The following CCDC88A variants were observed in gnomAD, a reference collection of about 807,000 sequenced individuals.
The protein encoded by CCDC88A is coiled-coil and HOOK domain protein 88A, also known as girdin.
A neutral mutation model predicts 234.3 loss-of-function variants in CCDC88A; 54 were observed. That is an observed-to-expected ratio of 0.23 (90% CI 0.19 to 0.29). The LOEUF (loss-of-function observed/expected upper bound fraction) is 0.29, where lower values mean the gene tolerates loss of function less well. Among genes scored for constraint, CCDC88A ranks in the 10% least tolerant of loss-of-function variants. CCDC88A has a pLI of 1.00. For synonymous variants in CCDC88A, 753 were observed against 737.8 expected (o/e 1.02, Z -0.33); for missense variants, 1,832 against 2,123.4 (o/e 0.86, Z 2.70).
chr2:55,374,833 A>G lies in CCDC88A; in HGVS notation c.324T>C (p.Ile108=). The G allele has an allele frequency of 6.2e-7, 1 of 1,606,452 alleles. No homozygotes were observed. The highest frequency in any genetic ancestry group is 8.5e-7 in the Non-Finnish European group (1 of 1,174,066). The change falls in exon 4 of 33, where the codon ATT becomes ATC. Residue 108 remains isoleucine (I), a synonymous_variant. Transcript: ENST00000436346. ...ACTTACCAGAAAAGGGATTTTTGCC[A>G]ATGATTAAGACATTTGGCAACGACA... ...IMMSLPNVLI[I]GKNPFSEQGT... is the part of the protein sequence containing the mutation.
At chr2:55,355,936 T>C (rs1670511821) in intron 7 of CCDC88A, 185 bp from the exon 8 acceptor site, 1 of 449,824 alleles carries the variant, frequency 2.2e-6, no homozygotes, top group Admixed American at 3.9e-5. Flanking sequence ...CATGGGCTAC[T>C]TAGCAAATGA....
chr2:55,368,458 C>CCT (rs879617904), intron 5 of CCDC88A, among the ~76,000 whole-genome samples: 1 of 150,708 alleles, frequency 6.6e-6, no homozygotes, highest in Admixed American at 6.6e-5. Flanking sequence ...TTCCCCCCTC[C>CCT]CTCTCTCTCT....
At position 55,362,574 on chromosome 2, in the gene CCDC88A, G is replaced by A. The variant is rs921344851; in HGVS notation, c.487-126C>T. On this transcript the variant is annotated intron_variant, in intron 6 of 32. Coordinates refer to ENST00000436346, the MANE Select transcript of CCDC88A (RefSeq NM_001365480.1). ...ATAAAATATGAAAAGCCAATATGAT[G>A]TTAAAAGGAGAACATTTGAAATGAT... 2.9e-5 allele frequency: 18 copies of A among 620,434 alleles called. No individual in the cohort carries two copies. In the African/African-American group the frequency reaches 3.3e-4, roughly 11 times the overall value. 38.4% of individuals were successfully genotyped at this position (620,434 alleles called of 1,614,324 possible).
At position 55,291,092 on chromosome 2, in the gene CCDC88A, C is replaced by T. The variant is rs192870686; in HGVS notation, c.*108G>A. ...CCTTAAAGATTTTTAAAAATGATTCCTATAGTTGCTAGGTGTCTTGTTACT... is the reference window on the plus strand; with the variant it reads ...CCTTAAAGATTTTTAAAAATGATTCTTATAGTTGCTAGGTGTCTTGTTACT... On this transcript the variant is annotated 3_prime_UTR_variant, in exon 33 of 33. Coordinates refer to ENST00000436346, the MANE Select transcript of CCDC88A (RefSeq NM_001365480.1). The T allele has an allele frequency of 6.6e-6, 1 of 152,602 alleles. No homozygotes were observed. Among genetic ancestry groups the T allele is most frequent in the African/African-American group, 2.4e-5 (1 of 41,526 alleles). 9.5% of individuals were successfully genotyped at this position (152,602 alleles called of 1,614,324 possible).
intron 29 of CCDC88A, 126 bp downstream of exon 29, chr2:55,299,713 C>CA: frequency 1.6e-6 from 1 of 643,934 alleles, no homozygotes; most frequent in East Asian, 2.6e-5. Context: ...TAAAATGTTC[C>CA]AAACAACTAT....
At chr2:55,391,314 C>G (rs1314767277) in intron 2 of CCDC88A, among the ~76,000 whole-genome samples, 1 of 151,958 alleles carries the variant, frequency 6.6e-6, no homozygotes. Context: ...GACAACCTGC[C>G]AAAACAAAGT....
intron 5 of CCDC88A, among the ~76,000 whole-genome samples, chr2:55,370,755 C>T (rs1036851432): frequency 1.3e-5 from 2 of 150,812 alleles, no homozygotes; most frequent in Non-Finnish European, 2.9e-5. Flanking sequence ...TGCCTGTAAT[C>T]CCAGTACTTT....
chr2:55,340,894 T>C (rs1207098300), intron 12 of CCDC88A, among the ~76,000 whole-genome samples: 3 of 152,176 alleles, frequency 2.0e-5, no homozygotes, highest in African/African-American at 4.8e-5. Context: ...TGATACACAA[T>C]AGATCTCTTA....
intron 12 of CCDC88A, chr2:55,340,233 A>G (rs1181238857): frequency 1.3e-5 from 2 of 152,382 alleles, no homozygotes; most frequent in Admixed American, 6.5e-5. Context: ...TTGCTGATAT[A>G]AGAACATTAG....
intron 6 of CCDC88A, 149 bp from the exon 7 acceptor site, chr2:55,362,597 G>A: frequency 2.6e-5 from 14 of 533,728 alleles, no homozygotes; most frequent in Middle Eastern, 4.9e-4. Context: ...CATTTGAAAT[G>A]ATAAAAACAC....
Position 55,317,586 on chromosome 2 carries a change from C to A in CCDC88A, c.3580G>T (p.Glu1194Ter). The change falls in exon 20 of 33, where the codon GAA (glutamate) becomes TAA (stop). Residue 1194 changes from glutamate to a stop codon, truncating the protein, a stop_gained. Transcript: ENST00000436346. LOFTEE classifies it high-confidence loss of function. The surrounding 1 kb of genome is among the most constrained non-coding windows in gnomAD (Gnocchi z 4.2). ...LKSAHKNLEV[E>*]HRDLEDRYNQ... is the part of the protein sequence containing the mutation. ...TACCGGTCTTCAAGGTCTCTATGTT[C>A]CACCTCAAGATTTTTGTGGGCAGAC... 6.3e-7 allele frequency: 1 copy of A among 1,581,810 alleles called. No individual in the cohort carries two copies. The highest frequency in any genetic ancestry group is 8.6e-7 in the Non-Finnish European group (1 of 1,158,316).
intron 8 of CCDC88A, among the ~76,000 whole-genome samples, chr2:55,354,574 C>A (rs1417868335): frequency 6.8e-6 from 1 of 146,534 alleles, no homozygotes; most frequent in East Asian, 2.1e-4. Flanking sequence ...TTTTTTCTTT[C>A]TTTTTTTGAG....
At chr2:55,386,459 G>GTATTTTATTTTTTGTAGATTGTATTT (rs1675662264) in intron 3 of CCDC88A, among the ~76,000 whole-genome samples, 1 of 145,704 alleles carries the variant, frequency 6.9e-6, no homozygotes, top group African/African-American at 2.6e-5. Context: ...TTTGTAGATT[G>GTATTTTATTTTTTGTAGATTGTATTT]TATTTTATTT....
Position 55,334,223 on chromosome 2 carries a change from G to C in CCDC88A, c.2598C>G (p.Asn866Lys), listed in dbSNP as rs147955315. The change falls in exon 15 of 33, where the codon AAC becomes AAG. Residue 866 changes from asparagine to lysine, a missense_variant. By Grantham distance (94) the Asn-to-Lys change is moderately conservative. Coordinates refer to ENST00000436346, the MANE Select transcript of CCDC88A (RefSeq NM_001365480.1). This position sits in a 1 kb window ranked among gnomAD's most constrained non-coding sequence, Gnocchi z 6.1. The stretch of plus-strand genomic sequence containing the variant: ...TACCAATTTCTTTGGATAGGGTTTT[G>C]TTTTCTTTTTCCAAATTTCCAATCT... ...NVKIGNLEKE[N>K]KTLSKEIGIY... 1.4e-6 allele frequency: 2 copies of C among 1,451,782 alleles called. No individual in the cohort carries two copies. The highest frequency in any genetic ancestry group is 5.0e-5 in the East Asian group (2 of 39,934). 89.9% of individuals were successfully genotyped at this position (1,451,782 alleles called of 1,614,324 possible).
intron 11 of CCDC88A, 130 bp downstream of exon 11, chr2:55,344,238 A>C: frequency 1.9e-6 from 1 of 517,718 alleles, no homozygotes; most frequent in East Asian, 3.2e-5. Flanking sequence ...GAGGCATCTA[A>C]TTTATTTAGC....
At chr2:55,366,078 T>C (rs1481384743) in intron 5 of CCDC88A, among the ~76,000 whole-genome samples, 1 of 152,198 alleles carries the variant, frequency 6.6e-6, no homozygotes, top group African/African-American at 2.4e-5. Flanking sequence ...GAAGACTAAA[T>C]AATATCAGCA....
Position 55,355,726 on chromosome 2 carries a change from C to T in CCDC88A, c.653G>A (p.Arg218Gln), listed in dbSNP as rs777263943. The change falls in exon 8 of 33, where the codon CGG becomes CAG. Residue 218 changes from arginine to glutamine, a missense_variant. By Grantham distance (43) the Arg-to-Gln change is conservative (BLOSUM62 1). Around this residue, in one of 6 missense-constraint regions of CCDC88A, gnomAD observed 1,282 missense variants for 1,543.6 expected, o/e 0.83. Coordinates refer to ENST00000436346, the MANE Select transcript of CCDC88A (RefSeq NM_001365480.1). ...SETIIELSEE[R>Q]DGLHFLPHAS... Reference sequence around the variant, plus strand: ...ATGGGGTAGAAAATGGAGACCATCCCGCTCTTCAGAGAGTTCTATGATAGT... The same window carrying T: ...ATGGGGTAGAAAATGGAGACCATCCTGCTCTTCAGAGAGTTCTATGATAGT... The T allele has an allele frequency of 7.4e-6, 12 of 1,613,654 alleles. No individual in the cohort carries two copies. Among genetic ancestry groups the T allele is most frequent in the South Asian group, 2.2e-5 (2 of 91,070 alleles).
At chr2:55,377,969 G>C (rs752503843) in intron 3 of CCDC88A, among the ~76,000 whole-genome samples, 10 of 152,128 alleles carry the variant, frequency 6.6e-5, no homozygotes, top group Non-Finnish European at 1.5e-4. Flanking sequence ...AGATGTTAGA[G>C]ATAAAACTCA....
Position 55,334,564 on chromosome 2 carries a change from G to A in CCDC88A, c.2257C>T (p.Arg753Cys), listed in dbSNP as rs748202371. 236 of 1,612,560 alleles carry A rather than the reference G, an allele frequency of 1.5e-4. No homozygotes were observed. Among genetic ancestry groups the A allele is most frequent in the Non-Finnish European group, 1.8e-4 (218 of 1,179,506 alleles). The change falls in exon 15 of 33, where the codon CGC (arginine) becomes TGC (cysteine). Residue 753 changes from arginine (R) to cysteine (C), a missense_variant. Physicochemically the swap from Arg to Cys is radical, Grantham distance 180 (BLOSUM62 -3). Transcript: ENST00000436346. This position sits in a 1 kb window ranked among gnomAD's most constrained non-coding sequence, Gnocchi z 6.1. The part of the protein sequence containing the change: ...LLKASFKKTE[R>C]LEVSYQGLDI... Reference sequence around the variant, plus strand: ...AAACCCTGGTAGCTAACTTCTAAGCGTTCTGTTTTCTTGAAAGATGCTTTC... The same window carrying A: ...AAACCCTGGTAGCTAACTTCTAAGCATTCTGTTTTCTTGAAAGATGCTTTC...
Sources: gnomAD v4.1 joint callset for allele counts (sites outside exome capture counted in the v4.1 genomes callset) on GRCh38, gnomAD v4.1.1 for gene constraint, gnomAD v4.1.1 regional missense constraint, Gnocchi (gnomAD v3.1) non-coding constraint, MANE v1.5 for transcripts, NCBI Gene and HGNC (gene_info 2026-07-23, HGNC 2026-07-21) for gene names.